Variants in ANAPC4 observed in about 807,000 individuals in gnomAD.
ANAPC4 encodes the protein anaphase-promoting complex subunit 4.
In ANAPC4, 63 loss-of-function variants were observed where a neutral mutation model predicts 119.8. The observed-to-expected ratio is 0.53, with a 90% CI of 0.43 to 0.65. The LOEUF (loss-of-function observed/expected upper bound fraction) is 0.65, where lower values mean the gene tolerates loss of function less well. Among genes scored for constraint, ANAPC4 ranks in the 30% least tolerant of loss-of-function variants. ANAPC4 has a pLI of 0.00. For synonymous variants in ANAPC4, 283 were observed against 318.6 expected (o/e 0.89, Z 1.19); for missense variants, 716 against 945.1 (o/e 0.76, Z 3.18).
chr4:25,417,452 T>G, intron 27 of ANAPC4, 164 bp from the exon 28 acceptor site: 1 of 700,124 alleles, frequency 1.4e-6, no homozygotes. Context: ...TTATAGAATA[T>G]TATATCACAG....
intron 16 of ANAPC4, among the ~76,000 whole-genome samples, chr4:25,397,436 G>T (rs1256423369): frequency 6.6e-6 from 1 of 152,064 alleles, no homozygotes; most frequent in Non-Finnish European, 1.5e-5. Flanking sequence ...GCTACCACCC[G>T]GGCATTTTCT....
chr4:25,385,167 A>G (rs1289023248), intron 4 of ANAPC4, among the ~76,000 whole-genome samples: 1 of 152,194 alleles, frequency 6.6e-6, no homozygotes, highest in Non-Finnish European at 1.5e-5. Flanking sequence ...GTTAACCCCT[A>G]AAAAGAGAAT....
intron 7 of ANAPC4, 141 bp downstream of exon 7, chr4:25,389,023 C>T (rs926364604): frequency 1.4e-6 from 1 of 721,582 alleles, no homozygotes. Flanking sequence ...GAGATGGAGT[C>T]TCTGTCACCC....
At chr4:25,389,039 G>A (rs957694010) in intron 7 of ANAPC4, among the ~76,000 whole-genome samples, 157 bp downstream of exon 7, 1 of 152,144 alleles carries the variant, frequency 6.6e-6, no homozygotes, top group Non-Finnish European at 1.5e-5. Flanking sequence ...CACCCAGGCT[G>A]GAGTGCAGTG....
intron 19 of ANAPC4, 77 bp downstream of exon 19, chr4:25,406,962 A>C: frequency 8.5e-7 from 1 of 1,175,812 alleles, no homozygotes; most frequent in South Asian, 1.4e-5. Context: ...ACATAATTAA[A>C]TTTAACCCAA....
At chr4:25,388,652 C>T in intron 5 of ANAPC4, 65 bp from the exon 6 acceptor site, 1 of 1,559,758 alleles carries the variant, frequency 6.4e-7, no homozygotes, top group Non-Finnish European at 8.8e-7. Flanking sequence ...ACAATTTTCT[C>T]ATGCGTTTTA....
intron 10 of ANAPC4, among the ~76,000 whole-genome samples, chr4:25,392,673 C>G (rs905436072): frequency 3.6e-5 from 5 of 139,316 alleles, no homozygotes; most frequent in African/African-American, 1.2e-4. Flanking sequence ...ATACCATTTA[C>G]ATTATAAAGT....
intron 27 of ANAPC4, 83 bp downstream of exon 27, chr4:25,416,681 T>C (rs1723895446): frequency 2.7e-6 from 3 of 1,128,758 alleles, no homozygotes; most frequent in Middle Eastern, 2.3e-4. Flanking sequence ...TTAGGTACGC[T>C]AGATAATGGT....
intron 16 of ANAPC4, among the ~76,000 whole-genome samples, chr4:25,398,665 G>A (rs1156310155): frequency 6.6e-6 from 1 of 152,154 alleles, no homozygotes; most frequent in African/African-American, 2.4e-5. Flanking sequence ...TTAGGCTTCA[G>A]AAAGATCCCT....
At chr4:25,409,836 T>C in intron 21 of ANAPC4, 45 bp downstream of exon 21, 1 of 1,376,962 alleles carries the variant, frequency 7.3e-7, no homozygotes, top group Non-Finnish European at 1.0e-6. Flanking sequence ...TGTTTTTATT[T>C]AAGACTAGGT....
intron 10 of ANAPC4, among the ~76,000 whole-genome samples, 174 bp from the exon 11 acceptor site, chr4:25,393,631 C>T (rs1722477181): frequency 6.6e-6 from 1 of 152,130 alleles, no homozygotes; most frequent in South Asian, 2.1e-4. Flanking sequence ...CACTGCACTC[C>T]AGCCTGGACG....
Position 25,388,568 on chromosome 4 carries a change from C to T in ANAPC4, c.437C>T (p.Pro146Leu), listed in dbSNP as rs1319973982. ...NLLLPKLPTL[P>L]KNYSNTSKIF... ...CTCTTACCTAAACTACCTACACTGC[C>T]AAAAAAGTATGTATCACTGGTTTCT... is the stretch of plus-strand genomic sequence containing the variant. The change falls in exon 5 of 29, where the codon CCA (proline) becomes CTA (leucine). Residue 146 changes from proline to leucine, a missense_variant. This residue lies in a region of ANAPC4 where 202 missense variants were observed against 293.5 expected (regional missense o/e 0.69). Transcript: ENST00000315368. 6.2e-7 allele frequency: 1 copy of T among 1,600,478 alleles called. No homozygotes were observed. The highest frequency in any genetic ancestry group is 8.6e-7 in the Non-Finnish European group (1 of 1,169,218).
chr4:25,377,529 C>T lies in ANAPC4; in HGVS notation c.102C>T (p.Leu34=), dbSNP rs749952036. 3.7e-6 allele frequency: 6 copies of T among 1,613,120 alleles called. No homozygotes were observed. In the South Asian group the frequency reaches 6.6e-5, roughly 18 times the overall value. Reference sequence around the variant, plus strand: ...TGGTCTGGTCGCCCAAGCGGGATCTCATTGCTTTGGCCAACACAGCTGGCG... The same window carrying T: ...TGGTCTGGTCGCCCAAGCGGGATCTTATTGCTTTGGCCAACACAGCTGGCG... ...IFLVWSPKRD[L]IALANTAGEV... is the part of the protein sequence containing the mutation. Residue 34 remains leucine, a synonymous_variant, in exon 2 of 29, where the codon CTC becomes CTT. Coordinates refer to ENST00000315368, the MANE Select transcript of ANAPC4 (RefSeq NM_013367.3).
At chr4:25,413,193 T>C (rs1315028703) in intron 21 of ANAPC4, 1 of 152,678 alleles carries the variant, frequency 6.5e-6, no homozygotes, top group Non-Finnish European at 1.5e-5. Context: ...TACTTTCTCC[T>C]GATAAAGTAA....
chr4:25,396,851 C>T lies in ANAPC4; in HGVS notation c.1166C>T (p.Ala389Val). The T allele has an allele frequency of 6.2e-7, 1 of 1,612,666 alleles. No individual in the cohort carries two copies. Among genetic ancestry groups the T allele is most frequent in the Non-Finnish European group, 8.5e-7 (1 of 1,179,538 alleles). The change falls in exon 16 of 29, where the codon GCT (alanine) becomes GTT (valine). Residue 389 changes from alanine (A) to valine (V), a missense_variant. Ala to Val is a moderately conservative substitution (Grantham distance 64). Transcript: ENST00000315368. ...TTTATTTATTTTTTCCCTTTAGAAG[C>T]TATAACTGCTGTGGGTTCTTTTATA... The part of the protein sequence containing the change: ...LGLDAAGIEE[A>V]ITAVGSFILK...
At chr4:25,404,033 A>G (rs1029086925) in intron 17 of ANAPC4, among the ~76,000 whole-genome samples, 1 of 152,230 alleles carries the variant, frequency 6.6e-6, no homozygotes, top group African/African-American at 2.4e-5. Context: ...TGCAAAATTT[A>G]GTGTTAATGT....
intron 14 of ANAPC4, among the ~76,000 whole-genome samples, chr4:25,395,577 G>T (rs1353036723): frequency 3.9e-5 from 6 of 152,130 alleles, no homozygotes; most frequent in Non-Finnish European, 7.4e-5. Flanking sequence ...AGCCTCTCAA[G>T]TAGCTGGGAT....
intron 16 of ANAPC4, among the ~76,000 whole-genome samples, chr4:25,398,188 TGATTTTCTGAGA>T (rs1241365713): frequency 6.6e-6 from 1 of 152,244 alleles, no homozygotes; most frequent in African/African-American, 2.4e-5. Context: ...TTTGTCTTTT[TGATTTTCTGAGA>T]GTTTTTTGAT....
intron 4 of ANAPC4, among the ~76,000 whole-genome samples, chr4:25,386,079 A>G (rs981180316): frequency 9.2e-5 from 14 of 151,924 alleles, no homozygotes; most frequent in African/African-American, 3.1e-4. Context: ...ACGCCCAGCT[A>G]ATTTTGTATT....
Sources: gnomAD v4.1 joint callset for allele counts (sites outside exome capture counted in the v4.1 genomes callset) on GRCh38, gnomAD v4.1.1 for gene constraint, gnomAD v4.1.1 regional missense constraint, MANE v1.5 for transcripts, NCBI Gene and HGNC (gene_info 2026-07-23, HGNC 2026-07-21) for gene names.